Variants in YEATS4 observed in about 807,000 individuals in gnomAD.
The protein encoded by YEATS4 is YEATS domain containing 4.
YEATS4 carries 17 observed loss-of-function variants against 30.1 expected under a neutral mutation model. The ratio of observed to expected loss-of-function variants is 0.56; its 90% confidence interval spans 0.39 to 0.85. YEATS4 has a LOEUF of 0.85. Ranked by LOEUF, YEATS4 falls within the 40% of genes least tolerant of loss-of-function variation. The pLI is 0.00. For missense variants in YEATS4, 142 were observed against 268.3 expected, an observed-to-expected ratio of 0.53 and a Z score of 3.29; for synonymous variants, 85 against 87.5, an observed-to-expected ratio of 0.97 and a Z score of 0.16.
chr12:69,392,556 AAG>A (rs1868323978), downstream of YEATS4, among the ~76,000 whole-genome samples: 1 of 152,256 alleles, frequency 6.6e-6, no homozygotes, highest in South Asian at 2.1e-4. Context: ...TATAAGTGGA[AAG>A]AGAATATTTC....
chr12:69,410,665 G>A, the YEATS4 span, among the ~76,000 whole-genome samples: 19,051 of 152,178 alleles, frequency 0.13, 1,524 homozygotes, highest in East Asian at 0.38. Context: ...GTTTTGAGTC[G>A]CCGGAGGATA....
At chr12:69,426,957 G>T in the YEATS4 span, among the ~76,000 whole-genome samples, 1 of 152,062 alleles carries the variant, frequency 6.6e-6, no homozygotes, top group East Asian at 1.9e-4. Context: ...AGCATGTGTT[G>T]ACAAGTTTCT....
At chr12:69,360,069 G>C (rs748547101) in intron 1 of YEATS4, 46 bp downstream of exon 1, 17 of 1,598,328 alleles carry the variant, frequency 1.1e-5, no homozygotes, top group Non-Finnish European at 1.5e-5. Context: ...CTCCCGCCTC[G>C]GTTCCTCCCT....
In YEATS4 at chr12:69,383,716, T is replaced by TA. The variant is rs1042051671; in HGVS notation, c.515-6429dup. On this transcript the variant is annotated intron_variant, in intron 6 of 6. Transcript: ENST00000247843. The stretch of plus-strand genomic sequence containing the variant: ...CTTGATGACTTTAACAGGAGCAGTG[T>TA]AAGGAGAACAGTAAGGTCAGAAGAT... Among the ~76,000 whole-genome samples the TA allele has an allele frequency of 7.3e-4, 111 of 152,242 alleles. 2 individuals carry two copies. Among genetic ancestry groups the TA allele is most frequent in the African/African-American group, 2.6e-3 (107 of 41,544 alleles).
At chr12:69,421,038 T>A in the YEATS4 span, among the ~76,000 whole-genome samples, 1 of 152,130 alleles carries the variant, frequency 6.6e-6, no homozygotes, top group African/African-American at 2.4e-5. Context: ...GTTTTTGTTT[T>A]GGGGGGATGG....
intron 6 of YEATS4, among the ~76,000 whole-genome samples, chr12:69,374,004 G>A (rs160835): frequency 0.059 from 8,996 of 152,194 alleles, 389 homozygotes; most frequent in African/African-American, 0.12. Flanking sequence ...TTTTCTGCAA[G>A]TACCATGCTG....
chr12:69,427,010 C>G, the YEATS4 span, among the ~76,000 whole-genome samples: 1 of 152,072 alleles, frequency 6.6e-6, no homozygotes, highest in African/African-American at 2.4e-5. Context: ...GATAATTATT[C>G]TTTGCTTGAT....
downstream of YEATS4, among the ~76,000 whole-genome samples, chr12:69,394,705 T>C (rs1365924185): frequency 1.3e-5 from 2 of 152,088 alleles, no homozygotes; most frequent in African/African-American, 4.8e-5. Context: ...CCTTTCTGGC[T>C]CAGGTGATCC....
At chr12:69,416,488 G>T in the YEATS4 span, among the ~76,000 whole-genome samples, 1 of 152,140 alleles carries the variant, frequency 6.6e-6, no homozygotes, top group Non-Finnish European at 1.5e-5. Flanking sequence ...TATCAGAATG[G>T]TGTTTCTAAA....
chr12:69,409,542 G>A, the YEATS4 span, among the ~76,000 whole-genome samples: 11 of 151,692 alleles, frequency 7.3e-5, no homozygotes, highest in Admixed American at 3.9e-4. Flanking sequence ...GCTTGAACTC[G>A]GGAGGCAGAG....
At chr12:69,372,131 C>G (rs998361784) in intron 6 of YEATS4, among the ~76,000 whole-genome samples, 4 of 152,100 alleles carry the variant, frequency 2.6e-5, no homozygotes, top group Non-Finnish European at 5.9e-5. Context: ...GATTATTAAA[C>G]TGAGATATGA....
At chr12:69,376,116 C>T (rs989387403) in intron 6 of YEATS4, among the ~76,000 whole-genome samples, 9 of 152,130 alleles carry the variant, frequency 5.9e-5, no homozygotes, top group Non-Finnish European at 2.9e-5. Flanking sequence ...CCTGTAATCC[C>T]AGCACTTTGG....
chr12:69,419,090 C>G, the YEATS4 span, among the ~76,000 whole-genome samples: 12 of 149,790 alleles, frequency 8.0e-5, no homozygotes. Context: ...TCTGCTCATT[C>G]TTCCTTTAGT....
chr12:69,404,376 G>A, the YEATS4 span, among the ~76,000 whole-genome samples: 1 of 152,188 alleles, frequency 6.6e-6, no homozygotes, highest in African/African-American at 2.4e-5. Context: ...ACAGTGTTGG[G>A]TGAGACCTTT....
downstream of YEATS4, among the ~76,000 whole-genome samples, chr12:69,393,713 G>A (rs1272709636): frequency 6.6e-6 from 1 of 152,178 alleles, no homozygotes; most frequent in African/African-American, 2.4e-5. Context: ...AAAGGGGATG[G>A]TAGGGGGAGT....
chr12:69,366,193 G>A (rs1875422959), intron 4 of YEATS4, among the ~76,000 whole-genome samples: 1 of 152,006 alleles, frequency 6.6e-6, no homozygotes, highest in African/African-American at 2.4e-5. Flanking sequence ...AATAAGTTGA[G>A]CCCATATGCT....
the YEATS4 span, among the ~76,000 whole-genome samples, chr12:69,416,027 C>A: frequency 1.3e-5 from 2 of 152,222 alleles, no homozygotes; most frequent in Admixed American, 6.5e-5. Context: ...TCTGTGAGAA[C>A]TGAGCCATTA....
chr12:69,361,638 T>C (rs1332604086), intron 1 of YEATS4, among the ~76,000 whole-genome samples: 4 of 152,216 alleles, frequency 2.6e-5, no homozygotes, highest in African/African-American at 7.2e-5. Context: ...TCAGCACTTT[T>C]CACATGTGGT....
the YEATS4 span, among the ~76,000 whole-genome samples, chr12:69,397,564 A>T: frequency 6.6e-6 from 1 of 152,206 alleles, no homozygotes; most frequent in Admixed American, 6.5e-5. Context: ...GCCACCATGT[A>T]AGACATGCCT....
Sources: gnomAD v4.1 joint callset for allele counts (sites outside exome capture counted in the v4.1 genomes callset) on GRCh38, gnomAD v4.1.1 for gene constraint, MANE v1.5 for transcripts, NCBI Gene and HGNC (gene_info 2026-07-23, HGNC 2026-07-21) for gene names.